Variants in EPHA6 observed in about 807,000 individuals in gnomAD.
EPHA6 encodes the protein EPH receptor A6, also known as ephrin type-A receptor 6.
EPHA6 carries 50 observed loss-of-function variants against 112.0 expected under a neutral mutation model. The ratio of observed to expected loss-of-function variants is 0.45; its 90% CI spans 0.36 to 0.56. The LOEUF is 0.56. EPHA6 is among the 20% of genes least tolerant of loss of function. EPHA6 has a pLI of 0.00. For missense variants in EPHA6, 1,280 were observed against 1,417.4 expected (o/e 0.90, Z 1.56); for synonymous variants, 529 against 490.7 (o/e 1.08, Z -1.03).
At chr3:97,094,961 T>C (rs1031966092) in intron 3 of EPHA6, among the ~76,000 whole-genome samples, 4 of 151,916 alleles carry the variant, frequency 2.6e-5, no homozygotes, top group African/African-American at 9.7e-5. Context: ...TTGAGTAAGG[T>C]AACCTATAAT....
intron 3 of EPHA6, among the ~76,000 whole-genome samples, chr3:96,994,765 A>G (rs2043354972): frequency 7.0e-6 from 1 of 143,110 alleles, no homozygotes; most frequent in Non-Finnish European, 1.5e-5. Flanking sequence ...AGAGAGAGCT[A>G]TATATATACC....
chr3:96,929,724 G>A (rs2040219992), intron 2 of EPHA6, among the ~76,000 whole-genome samples: 1 of 152,134 alleles, frequency 6.6e-6, no homozygotes, highest in African/African-American at 2.4e-5. Context: ...TTCTTGTGGA[G>A]TATTTTACTG....
At chr3:97,586,233 A>G (rs77652978) in intron 11 of EPHA6, among the ~76,000 whole-genome samples, 2,372 of 152,314 alleles carry the variant, frequency 0.016, 74 homozygotes, top group African/African-American at 0.054. Flanking sequence ...CATGCATCAC[A>G]ATGAGGCAGT....
chr3:97,134,226 A>C (rs187170623), intron 3 of EPHA6, among the ~76,000 whole-genome samples: 13 of 152,236 alleles, frequency 8.5e-5, no homozygotes, highest in African/African-American at 2.9e-4. Flanking sequence ...CTTTCAATAT[A>C]CTATTTCTGA....
At chr3:97,052,835 A>T (rs1242214928) in intron 3 of EPHA6, among the ~76,000 whole-genome samples, 2 of 152,054 alleles carry the variant, frequency 1.3e-5, no homozygotes, top group African/African-American at 2.4e-5. Context: ...AGCCTTAAAC[A>T]TCCCAAGCCA....
chr3:97,032,456 TAAAAA>T (rs906414266), intron 3 of EPHA6, among the ~76,000 whole-genome samples: 1 of 151,466 alleles, frequency 6.6e-6, no homozygotes, highest in African/African-American at 2.4e-5. Context: ...AATAATAAAA[TAAAAA>T]GAATAAAAAA....
rs1482077458 is a variant in EPHA6, at chr3:97,336,852, T to C, written c.1607-68298T>C. Among the ~76,000 whole-genome samples the C allele has an allele frequency of 2.6e-5, 4 of 151,756 alleles. No individual in the cohort carries two copies. The Admixed American group carries it at 2.6e-4, about 10-fold the overall frequency. On this transcript the variant is annotated intron_variant, in intron 5 of 17. Transcript: ENST00000389672. ...AATCATGTTTTTCATTGTCACACAT[T>C]TGAGAGGAAAGGCCCATATATTTAA... is the stretch of plus-strand genomic sequence containing the variant.
At chr3:97,729,579 T>G (rs952464248) in intron 15 of EPHA6, among the ~76,000 whole-genome samples, 2 of 152,074 alleles carry the variant, frequency 1.3e-5, no homozygotes, top group African/African-American at 4.8e-5. Context: ...TCCCACGACA[T>G]GTGGGGATTG....
intron 5 of EPHA6, among the ~76,000 whole-genome samples, chr3:97,387,513 C>T (rs115994800): frequency 0.015 from 2,273 of 151,890 alleles, 54 homozygotes; most frequent in African/African-American, 0.05. Flanking sequence ...CAAGAGTGAC[C>T]TTTGCTCCAG....
At chr3:97,089,167 A>G (rs963265201) in intron 3 of EPHA6, among the ~76,000 whole-genome samples, 1 of 152,142 alleles carries the variant, frequency 6.6e-6, no homozygotes, top group African/African-American at 2.4e-5. Flanking sequence ...AGTATTTCAT[A>G]CTTTAACAAT....
chr3:97,106,670 G>A (rs1327354740), intron 3 of EPHA6, among the ~76,000 whole-genome samples: 1 of 152,090 alleles, frequency 6.6e-6, no homozygotes, highest in Non-Finnish European at 1.5e-5. Context: ...TGATAAGGCA[G>A]AGGGTCTAAC....
rs373733285 is a variant in EPHA6, at chr3:97,492,974, C to CTTT, written c.2200+8930_2200+8932dup. Reference sequence around the variant, plus strand: ...TTTCTCTTCAAAACATAAGCTTTTCCTTTTTTTTTTTTTTTTTGATGTGAA... The same window carrying CTTT: ...TTTCTCTTCAAAACATAAGCTTTTCCTTTTTTTTTTTTTTTTTTTTGATGTGAA... On this transcript the variant is annotated intron_variant, in intron 10 of 17. Coordinates refer to ENST00000389672, the MANE Select transcript of EPHA6 (RefSeq NM_001080448.3). Among the ~76,000 whole-genome samples, 500 of 130,916 alleles carry CTTT rather than the reference C, an allele frequency of 3.8e-3. 5 individuals are homozygous for CTTT. The highest frequency in any genetic ancestry group is 0.013 in the African/African-American group (475 of 37,386). The allele number at this position is 130,916 out of a possible 152,430, so 85.9% of individuals were successfully genotyped here. A position where few individuals can be genotyped will look rare whatever the true frequency, so the allele number is the denominator to read the frequency against.
At chr3:97,734,160 G>A (rs920515807) in intron 15 of EPHA6, among the ~76,000 whole-genome samples, 1 of 151,982 alleles carries the variant, frequency 6.6e-6, no homozygotes, top group Non-Finnish European at 1.5e-5. Context: ...AGATAATAAA[G>A]GAAGCTATTT....
chr3:97,742,322 T>C (rs1283954774), intron 16 of EPHA6, among the ~76,000 whole-genome samples: 1 of 152,098 alleles, frequency 6.6e-6, no homozygotes, highest in African/African-American at 2.4e-5. Flanking sequence ...AAAAGCAGGC[T>C]TTTCTTAAGG....
At chr3:97,457,757 T>A (rs567634160) in intron 7 of EPHA6, among the ~76,000 whole-genome samples, 1 of 152,070 alleles carries the variant, frequency 6.6e-6, no homozygotes, top group East Asian at 1.9e-4. Flanking sequence ...CACAAAGTCC[T>A]GTATGAAGAA....
chr3:97,045,225 T>C (rs1441248009), intron 3 of EPHA6, among the ~76,000 whole-genome samples: 1 of 152,020 alleles, frequency 6.6e-6, no homozygotes, highest in Non-Finnish European at 1.5e-5. Context: ...ACATAGTTTC[T>C]CTTTCTCAAA....
At chr3:97,139,885 T>G (rs2075855827) in intron 3 of EPHA6, among the ~76,000 whole-genome samples, 1 of 151,912 alleles carries the variant, frequency 6.6e-6, no homozygotes, top group Non-Finnish European at 1.5e-5. Context: ...GTAAGGAAGC[T>G]CAATGAGATC....
At chr3:97,710,570 T>C (rs1336726682) in intron 14 of EPHA6, among the ~76,000 whole-genome samples, 1 of 152,206 alleles carries the variant, frequency 6.6e-6, no homozygotes, top group Non-Finnish European at 1.5e-5. Flanking sequence ...GTTCCCTCTG[T>C]TTTAATTCAC....
intron 3 of EPHA6, among the ~76,000 whole-genome samples, chr3:97,140,419 A>G (rs2108350671): frequency 6.6e-6 from 1 of 152,198 alleles, no homozygotes; most frequent in African/African-American, 2.4e-5. Context: ...GAGAGGAAAA[A>G]TTTTAAAAAC....
Sources: gnomAD v4.1 joint callset for allele counts (sites outside exome capture counted in the v4.1 genomes callset) on GRCh38, gnomAD v4.1.1 for gene constraint, MANE v1.5 for transcripts, NCBI Gene and HGNC (gene_info 2026-07-23, HGNC 2026-07-21) for gene names.